The following PTPRD variants were observed in gnomAD, a reference collection of about 807,000 sequenced individuals.
PTPRD encodes the protein protein tyrosine phosphatase receptor type D, also known as receptor-type tyrosine-protein phosphatase delta.
In PTPRD, 34 loss-of-function variants were observed where a neutral mutation model predicts 214.5. That is an observed-to-expected ratio of 0.16 (90% CI 0.12 to 0.21). The LOEUF (loss-of-function observed/expected upper bound fraction) is 0.21, where lower values mean the gene tolerates loss of function less well. Among genes scored for constraint, PTPRD ranks in the 10% least tolerant of loss-of-function variants. The pLI is 1.00. For missense variants in PTPRD, 2,545 were observed against 2,398.7 expected (o/e 1.06, Z -1.27); for synonymous variants, 1,128 against 845.7 (o/e 1.33, Z -5.79).
chr9:9,074,610 A>G (rs1200960497), intron 10 of PTPRD, among the ~76,000 whole-genome samples: 3 of 152,006 alleles, frequency 2.0e-5, no homozygotes, highest in Non-Finnish European at 4.4e-5. Flanking sequence ...ATAAAAGATG[A>G]TCAGTGATGT....
At chr9:9,923,637 T>TGGC (rs1219337770) in intron 5 of PTPRD, among the ~76,000 whole-genome samples, 1 of 151,980 alleles carries the variant, frequency 6.6e-6, no homozygotes, top group Non-Finnish European at 1.5e-5. Flanking sequence ...GGAATCAGGC[T>TGGC]GGCATCAAAG....
chr9:9,561,891 C>T (rs923773997), intron 8 of PTPRD, among the ~76,000 whole-genome samples: 3 of 152,182 alleles, frequency 2.0e-5, no homozygotes, highest in Admixed American at 1.3e-4. Context: ...GACATTTTCT[C>T]TCTATGTATA....
chr9:9,077,997 T>C (rs541415849), intron 10 of PTPRD, among the ~76,000 whole-genome samples: 4 of 152,132 alleles, frequency 2.6e-5, no homozygotes, highest in Non-Finnish European at 2.9e-5. Flanking sequence ...GTTTACGCTT[T>C]GTATTTTGTA....
intron 37 of PTPRD, among the ~76,000 whole-genome samples, chr9:8,387,898 A>AT (rs1190907599): frequency 3.3e-5 from 5 of 152,356 alleles, no homozygotes; most frequent in Admixed American, 6.5e-5. Flanking sequence ...ACTGCTTGAT[A>AT]TATAGGAGTT....
intron 11 of PTPRD, among the ~76,000 whole-genome samples, chr9:8,978,727 G>C (rs183829378): frequency 6.6e-6 from 1 of 152,148 alleles, no homozygotes; most frequent in Admixed American, 6.5e-5. Flanking sequence ...TTTGGAGGGA[G>C]AGACACAAGG....
At chr9:8,504,978 A>G (rs1404374892) in intron 22 of PTPRD, among the ~76,000 whole-genome samples, 1 of 152,168 alleles carries the variant, frequency 6.6e-6, no homozygotes, top group African/African-American at 2.4e-5. Flanking sequence ...GTTAGTCACT[A>G]AAGAAAGTTG....
At chr9:8,880,934 T>A (rs570831289) in intron 11 of PTPRD, among the ~76,000 whole-genome samples, 2 of 151,988 alleles carry the variant, frequency 1.3e-5, no homozygotes, top group Non-Finnish European at 2.9e-5. Context: ...TAAAAATATA[T>A]GTATATATTT....
At chr9:9,414,286 C>T (rs1231084098) in intron 8 of PTPRD, among the ~76,000 whole-genome samples, 1 of 152,230 alleles carries the variant, frequency 6.6e-6, no homozygotes, top group Non-Finnish European at 1.5e-5. Flanking sequence ...ATTAACCTCT[C>T]ACTGTGTTCA....
chr9:10,134,809 A>C lies in PTPRD; in HGVS notation c.-544-101019T>G, dbSNP rs556098437. On this transcript the variant is annotated intron_variant, in intron 3 of 45. Transcript: ENST00000381196. ...AGTACATTAACTACGGCAATTCAAA[A>C]AGTCAGCATCTTCTTACCTTCAGAC... Among the ~76,000 whole-genome samples the C allele has an allele frequency of 3.3e-5, 5 of 152,260 alleles. No homozygotes were observed. The South Asian group carries it at 8.3e-4, about 25-fold the overall frequency.
intron 2 of PTPRD, among the ~76,000 whole-genome samples, chr9:10,402,355 T>C (rs1338742499): frequency 6.6e-6 from 1 of 151,730 alleles, no homozygotes; most frequent in Non-Finnish European, 1.5e-5. Context: ...ATTCCTAAGA[T>C]ATGTTTTAAA....
intron 21 of PTPRD, among the ~76,000 whole-genome samples, chr9:8,508,684 C>T (rs896343768): frequency 7.9e-5 from 12 of 152,150 alleles, no homozygotes; most frequent in African/African-American, 2.7e-4. Context: ...TTTAAAAATA[C>T]ATATAATACA....
chr9:10,065,297 T>C (rs2097857804), intron 3 of PTPRD, among the ~76,000 whole-genome samples: 1 of 151,878 alleles, frequency 6.6e-6, no homozygotes, highest in Non-Finnish European at 1.5e-5. Context: ...AGTTGCACGA[T>C]GTTAGTCAGT....
chr9:9,571,927 G>C (rs2086570346), intron 8 of PTPRD, among the ~76,000 whole-genome samples: 1 of 150,954 alleles, frequency 6.6e-6, no homozygotes, highest in Non-Finnish European at 1.5e-5. Context: ...GTAACACCTG[G>C]AGTCCATTAA....
chr9:9,121,757 C>A (rs2099817844), intron 10 of PTPRD, among the ~76,000 whole-genome samples: 1 of 152,046 alleles, frequency 6.6e-6, no homozygotes, highest in African/African-American at 2.4e-5. Context: ...CAGGTTCTCA[C>A]AAATCTCCAC....
intron 10 of PTPRD, among the ~76,000 whole-genome samples, chr9:9,079,291 G>A (rs781552077): frequency 3.3e-5 from 5 of 151,832 alleles, no homozygotes; most frequent in Non-Finnish European, 5.9e-5. Context: ...CCACATATGG[G>A]TGAGAGCACA....
chr9:10,147,986 G>T (rs1174346464), intron 3 of PTPRD, among the ~76,000 whole-genome samples: 2 of 152,148 alleles, frequency 1.3e-5, no homozygotes, highest in African/African-American at 4.8e-5. Context: ...ATATAGTTAA[G>T]GGCTTTGATC....
chr9:9,263,099 C>T (rs1056224874), intron 9 of PTPRD, among the ~76,000 whole-genome samples: 5 of 151,616 alleles, frequency 3.3e-5, no homozygotes, highest in African/African-American at 1.2e-4. Context: ...ATATGTGAAA[C>T]ATTAAAGTAC....
At chr9:10,438,158 G>C (rs1279960963) in intron 2 of PTPRD, among the ~76,000 whole-genome samples, 1 of 150,880 alleles carries the variant, frequency 6.6e-6, no homozygotes, top group Admixed American at 6.6e-5. Flanking sequence ...TATTAAGTAA[G>C]TCATTTTCAT....
At chr9:8,501,245 C>A (rs1166855416) in intron 23 of PTPRD, among the ~76,000 whole-genome samples, 186 bp from the exon 24 acceptor site, 1 of 151,958 alleles carries the variant, frequency 6.6e-6, no homozygotes, top group Non-Finnish European at 1.5e-5. Flanking sequence ...TATGAATAAA[C>A]CAAAAAGAGA....
Sources: gnomAD v4.1 joint callset for allele counts (sites outside exome capture counted in the v4.1 genomes callset) on GRCh38, gnomAD v4.1.1 for gene constraint, MANE v1.5 for transcripts, NCBI Gene and HGNC (gene_info 2026-07-23, HGNC 2026-07-21) for gene names.